Variants in ALS2CL observed in about 807,000 individuals in gnomAD.
ALS2CL encodes ALS2 C-terminal like.
ALS2CL carries 112 observed loss-of-function variants against 127.9 expected under a neutral mutation model. That is an observed-to-expected ratio of 0.88 (90% CI 0.75 to 1.02). The LOEUF (loss-of-function observed/expected upper bound fraction) is 1.02. ALS2CL is among the 50% of genes least tolerant of loss of function. ALS2CL has a pLI of 0.00. For missense variants in ALS2CL, 1,174 were observed against 1,236.7 expected (o/e 0.95, Z 0.76); for synonymous variants, 519 against 527.6 (o/e 0.98, Z 0.22).
At chr3:46,678,173 G>A (rs1487391307) in intron 16 of ALS2CL, 86 bp downstream of exon 16, 24 of 1,350,460 alleles carry the variant, frequency 1.8e-5, no homozygotes, top group Non-Finnish European at 2.1e-5. Context: ...GTGCAAAAAG[G>A]CCCCTCTGAG....
chr3:46,672,076 G>C (rs1346696086), intron 23 of ALS2CL, 43 bp from the exon 24 acceptor site: 2 of 1,614,082 alleles, frequency 1.2e-6, no homozygotes, highest in Non-Finnish European at 8.5e-7. Context: ...CCTTGGTTCA[G>C]TCCCAACCAG....
intron 15 of ALS2CL, among the ~76,000 whole-genome samples, chr3:46,678,912 C>T (rs956780494): frequency 2.6e-5 from 4 of 152,326 alleles, no homozygotes; most frequent in Admixed American, 6.5e-5. Context: ...GACAGCTGCT[C>T]GAGGCACTGG....
Position 46,683,206 on chromosome 3 carries a change from AT to A in ALS2CL, c.1032del (p.Glu344AspfsTer30). 1.9e-6 allele frequency: 3 copies of A among 1,609,994 alleles called. No homozygotes were observed. Among genetic ancestry groups the A allele is most frequent in the Non-Finnish European group, 2.5e-6 (3 of 1,178,192 alleles). ...PSQPPDCRCA[E>X]YTFQAEGRLC... ...AGCCGGCCCTCTGCCTGGAAGGTAT[AT>A]TCTGCGCAGCGGCAGTCGGGAGGCT... On this transcript the variant is annotated frameshift_variant, in exon 10 of 26. Transcript: ENST00000318962. LOFTEE classifies it high-confidence loss of function.
chr3:46,689,582 G>T, intron 1 of ALS2CL, 117 bp from the exon 2 acceptor site: 1 of 650,182 alleles, frequency 1.5e-6, no homozygotes. Context: ...GAACTGAGCA[G>T]TGAGCCCAGA....
rs1176821779 is a variant in ALS2CL at position 46,671,971 on chromosome 3, C to A, written c.2597G>T (p.Gly866Val). 1 of 1,613,896 alleles carries A rather than the reference C, an allele frequency of 6.2e-7. No individual in the cohort carries two copies. Among genetic ancestry groups the A allele is most frequent in the Admixed American group, 1.7e-5 (1 of 59,990 alleles). ...CCGGCCCAATACCCTCGACACCGTG[C>A]CCTCAATTTCCCCGTATGTCCTCTC... ...VLERTYGEIE[G>V]TVSRVLGREY... is the part of the protein sequence containing the mutation. Residue 866 changes from glycine (G) to valine (V), a missense_variant, in exon 24 of 26, where the codon GGC (glycine) becomes GTC (valine). Physicochemically the swap from Gly to Val is moderately radical, Grantham distance 109. Coordinates refer to ENST00000318962, the MANE Select transcript of ALS2CL (RefSeq NM_147129.5).
At chr3:46,676,580 G>A (rs1698840518) in intron 18 of ALS2CL, 62 bp downstream of exon 18, 8 of 1,579,122 alleles carry the variant, frequency 5.1e-6, no homozygotes, top group Admixed American at 3.4e-5. Context: ...AAAAATGGGA[G>A]CCCTTCCCCA....
At position 46,680,416 on chromosome 3, in the gene ALS2CL, T is replaced by A. The variant is rs1348117325; in HGVS notation, c.1548+14A>T. On this transcript the variant is annotated intron_variant, in intron 14 of 25. Transcript: ENST00000318962. The stretch of plus-strand genomic sequence containing the variant: ...GTGCAAAGAGAGGGATAGCCCAGGA[T>A]ACACTCCACTCACCACCGTCTTGTC... The A allele has an allele frequency of 3.1e-6, 5 of 1,610,346 alleles. No homozygotes were observed. The African/African-American group carries it at 6.7e-5, about 22-fold the overall frequency.
In ALS2CL at chr3:46,676,876, C is replaced by T; in HGVS notation, c.1904G>A (p.Arg635Lys). ...FDVQSSRELR[R>K]SQDYLSCERT... ...CTCGCAGGACAGGTAATCCTGAGAC[C>T]TACGCAGCTCCCTGGAGCTCTGCAC... is the stretch of plus-strand genomic sequence containing the variant. The change falls in exon 17 of 26, where the codon AGG (arginine) becomes AAG (lysine). Residue 635 changes from arginine to lysine, a missense_variant. Coordinates refer to ENST00000318962, the MANE Select transcript of ALS2CL (RefSeq NM_147129.5). 6.2e-7 allele frequency: 1 copy of T among 1,613,746 alleles called. No individual in the cohort carries two copies. Among genetic ancestry groups the T allele is most frequent in the African/African-American group, 1.3e-5 (1 of 75,012 alleles).
At chr3:46,672,792 T>C (rs1698508721) in intron 22 of ALS2CL, among the ~76,000 whole-genome samples, 3 of 152,052 alleles carry the variant, frequency 2.0e-5, no homozygotes, top group Non-Finnish European at 4.4e-5. Flanking sequence ...GTCAGGAGTT[T>C]GAGACCAGCC....
At chr3:46,679,319 G>C in intron 14 of ALS2CL, 32 bp from the exon 15 acceptor site, 3 of 1,533,400 alleles carry the variant, frequency 2.0e-6, no homozygotes, top group Non-Finnish European at 2.7e-6. Flanking sequence ...AGGGTAGAAA[G>C]GGTGGGTGAG....
intron 2 of ALS2CL, among the ~76,000 whole-genome samples, chr3:46,688,878 C>T (rs1204372185): frequency 6.6e-6 from 1 of 152,218 alleles, no homozygotes; most frequent in African/African-American, 2.4e-5. Context: ...TCTCTTTGTA[C>T]AGCCTGGTCT....
At position 46,686,413 on chromosome 3, in the gene ALS2CL, C is replaced by T; in HGVS notation, c.561G>A (p.Val187=). Residue 187 remains valine (V), a synonymous_variant, in exon 6 of 26, where the codon GTG becomes GTA. Transcript: ENST00000318962. This position sits in a 1 kb window ranked among gnomAD's most constrained non-coding sequence, Gnocchi z 4.3. ...GEHHPTRELV[V]NAVTLFGNLQ... is the part of the protein sequence containing the mutation. ...GGTTCCCAAAGAGGGTGACTGCGTTCACCACCAGCTCCCGGGTTGGGTGAT... is the reference window on the plus strand; with the variant it reads ...GGTTCCCAAAGAGGGTGACTGCGTTTACCACCAGCTCCCGGGTTGGGTGAT... 2 of 1,613,662 alleles carry T rather than the reference C, an allele frequency of 1.2e-6. No homozygotes were observed. The highest frequency in any genetic ancestry group is 1.7e-6 in the Non-Finnish European group (2 of 1,179,854).
At position 46,685,615 on chromosome 3, in the gene ALS2CL, G is replaced by T; in HGVS notation, c.696C>A (p.Leu232=). Residue 232 remains leucine, a synonymous_variant, in exon 7 of 26, where the codon CTC becomes CTA. Coordinates refer to ENST00000318962, the MANE Select transcript of ALS2CL (RefSeq NM_147129.5). ...CGGGTACGTCCTGGCTGTCCTGAAG[G>T]AGTCTGTGAGCAGGGGTGCAGAGCA... ...RDVLCTPAHR[L]LQDSQDVPVT... 1 of 1,613,960 alleles carries T rather than the reference G, an allele frequency of 6.2e-7. No homozygotes were observed. The highest frequency in any genetic ancestry group is 8.5e-7 in the Non-Finnish European group (1 of 1,179,940).
chr3:46,689,991 G>A (rs537213580), intron 1 of ALS2CL, among the ~76,000 whole-genome samples: 108 of 152,268 alleles, frequency 7.1e-4, no homozygotes, highest in African/African-American at 2.5e-3. Flanking sequence ...GGGGGAGTCC[G>A]GAGGCCTCCT....
Position 46,672,801 on chromosome 3 carries a change from C to A in ALS2CL, c.2472+538G>T, listed in dbSNP as rs139505704. On this transcript the variant is annotated intron_variant, in intron 22 of 25. Coordinates refer to ENST00000318962, the MANE Select transcript of ALS2CL (RefSeq NM_147129.5). Reference sequence around the variant, plus strand: ...CCTGAGGTCAGGAGTTTGAGACCAGCCTGGCCAACATGGTGAAATCCTGTC... The same window carrying A: ...CCTGAGGTCAGGAGTTTGAGACCAGACTGGCCAACATGGTGAAATCCTGTC... Among the ~76,000 whole-genome samples, 97 of 152,256 alleles carry A rather than the reference C, an allele frequency of 6.4e-4. 5 individuals carry two copies. In the East Asian group the frequency reaches 0.018, roughly 29 times the overall value.
At chr3:46,689,316 C>T (rs779682027) in intron 2 of ALS2CL, 22 bp downstream of exon 2, 16 of 1,610,646 alleles carry the variant, frequency 9.9e-6, no homozygotes, top group Non-Finnish European at 1.4e-5. Context: ...CCTTCCCTCC[C>T]CACTAGAAAG....
At position 46,681,887 on chromosome 3, in the gene ALS2CL, CG is replaced by C. The variant is rs1699378931; in HGVS notation, c.1175+141del. 5 of 1,092,142 alleles carry C rather than the reference CG, an allele frequency of 4.6e-6. No homozygotes were observed. Among genetic ancestry groups the C allele is most frequent in the Non-Finnish European group, 6.7e-6 (5 of 751,358 alleles). The allele number at this position is 1,092,142 out of a possible 1,614,324, so 67.7% of individuals were successfully genotyped here. ...CCCGGTTCCCCTTTGGTACAGTGGG[CG>C]GGGGCTGGACCGGATTGTCTCTAAG... On this transcript the variant is annotated intron_variant, in intron 11 of 25. Coordinates refer to ENST00000318962, the MANE Select transcript of ALS2CL (RefSeq NM_147129.5). This position sits in a 1 kb window ranked among gnomAD's most constrained non-coding sequence, Gnocchi z 4.9.
At position 46,682,020 on chromosome 3, in the gene ALS2CL, C is replaced by T; in HGVS notation, c.1175+9G>A. The T allele has an allele frequency of 6.2e-7, 1 of 1,613,816 alleles. No homozygotes were observed. Among genetic ancestry groups the T allele is most frequent in the Admixed American group, 1.7e-5 (1 of 59,996 alleles). ...CACGCCTCCCAGCAGTAGCCCCAGC[C>T]AGCCTTACCCATGCTCCAGGCCCTG... On this transcript the variant is annotated intron_variant, in intron 11 of 25. Coordinates refer to ENST00000318962, the MANE Select transcript of ALS2CL (RefSeq NM_147129.5).
In ALS2CL at chr3:46,687,244, C is replaced by T; in HGVS notation, c.369-96G>A. ...TGCCCCAGCTAATCCCCTCAGATCC[C>T]AGGGCCAGCCCCAGGCCCAAAACCT... On this transcript the variant is annotated intron_variant, in intron 4 of 25. Transcript: ENST00000318962. 3 of 1,364,028 alleles carry T rather than the reference C, an allele frequency of 2.2e-6. No individual in the cohort carries two copies. In the South Asian group the frequency reaches 4.5e-5, roughly 21 times the overall value. The allele number at this position is 1,364,028 out of a possible 1,614,324, so 84.5% of individuals were successfully genotyped here. A position where few individuals can be genotyped will look rare whatever the true frequency, so the allele number is the denominator to read the frequency against.
Sources: gnomAD v4.1 joint callset for allele counts (sites outside exome capture counted in the v4.1 genomes callset) on GRCh38, gnomAD v4.1.1 for gene constraint, Gnocchi (gnomAD v3.1) non-coding constraint, MANE v1.5 for transcripts, NCBI Gene and HGNC (gene_info 2026-07-23, HGNC 2026-07-21) for gene names.